The following BNIP2 variants were observed in gnomAD, a reference collection of about 807,000 sequenced individuals.
BNIP2 encodes the protein BCL2/adenovirus E1B 19 kDa protein-interacting protein 2.
In BNIP2, 36 loss-of-function variants were observed where a neutral mutation model predicts 43.4. The observed-to-expected ratio is 0.83, with a 90% confidence interval of 0.64 to 1.10. The LOEUF (loss-of-function observed/expected upper bound fraction) is 1.10, where lower values mean the gene tolerates loss of function less well. Among genes scored for constraint, BNIP2 ranks in the 50% least tolerant of loss-of-function variants. The pLI is 0.00. For missense variants in BNIP2, 417 were observed against 374.1 expected, an observed-to-expected ratio of 1.11 and a Z score of -0.95; for synonymous variants, 146 against 121.0, an observed-to-expected ratio of 1.21 and a Z score of -1.35.
intron 1 of BNIP2, among the ~76,000 whole-genome samples, chr15:59,685,858 G>A (rs138503497): frequency 2.2e-4 from 33 of 152,302 alleles, no homozygotes; most frequent in African/African-American, 7.9e-4. Flanking sequence ...AACAAGAAAG[G>A]AGTTAATATA....
chr15:59,669,929 C>T (rs6151557), intron 7 of BNIP2, among the ~76,000 whole-genome samples: 88,265 of 152,018 alleles, frequency 0.58, 26,256 homozygotes, highest in Middle Eastern at 0.67. Context: ...AAGTGAGATA[C>T]ATATATAATC....
intron 7 of BNIP2, among the ~76,000 whole-genome samples, chr15:59,670,251 C>T (rs1236322669): frequency 6.6e-6 from 1 of 152,064 alleles, no homozygotes; most frequent in South Asian, 2.1e-4. Flanking sequence ...GGCAACATGT[C>T]AAAACGCTGT....
intron 5 of BNIP2, chr15:59,677,276 C>T: frequency 6.3e-7 from 1 of 1,592,538 alleles, no homozygotes; most frequent in Non-Finnish European, 8.6e-7. Flanking sequence ...ACAGGAGCTG[C>T]CAGGGGATCC....
intron 5 of BNIP2, 98 bp from the exon 6 acceptor site, chr15:59,672,837 AC>A: frequency 1.2e-6 from 1 of 804,942 alleles, no homozygotes; most frequent in Non-Finnish European, 2.0e-6. Context: ...ATAAGAGTTT[AC>A]TTTTCACAGA....
At chr15:59,676,691 C>T (rs1007537712) in intron 5 of BNIP2, 17 of 660,844 alleles carry the variant, frequency 2.6e-5, no homozygotes, top group East Asian at 1.1e-4. Context: ...TTGCATGAAA[C>T]GGCTAGGGCA....
Position 59,682,504 on chromosome 15 carries a change from G to A in BNIP2, c.-47C>T, listed in dbSNP as rs767756592. 6.8e-6 allele frequency: 11 copies of A among 1,612,170 alleles called. No homozygotes were observed. In the South Asian group the frequency reaches 1.2e-4, roughly 18 times the overall value. Reference sequence around the variant, plus strand: ...AACTACAAACTCTTGATAATCCAGGGAGCCAATGTCCTATGAAGAGAGAAA... The same window carrying A: ...AACTACAAACTCTTGATAATCCAGGAAGCCAATGTCCTATGAAGAGAGAAA... On this transcript the variant is annotated 5_prime_UTR_variant, in exon 2 of 10. Coordinates refer to ENST00000607373, the MANE Select transcript of BNIP2 (RefSeq NM_004330.4).
chr15:59,673,227 T>C (rs1893047520), intron 5 of BNIP2, among the ~76,000 whole-genome samples: 1 of 151,322 alleles, frequency 6.6e-6, no homozygotes, highest in Non-Finnish European at 1.5e-5. Flanking sequence ...CACGCGATTC[T>C]CCTGCCTCCC....
At chr15:59,671,089 T>TA (rs1290752963) in intron 7 of BNIP2, 94 bp downstream of exon 7, 32,185 of 910,226 alleles carry the variant, frequency 0.035, no homozygotes, top group Non-Finnish European at 0.038. Flanking sequence ...AAAAAAAAGT[T>TA]AAAAAAAAAA....
At chr15:59,664,593 G>A (rs1892457445) in intron 9 of BNIP2, among the ~76,000 whole-genome samples, 1 of 152,044 alleles carries the variant, frequency 6.6e-6, no homozygotes, top group Non-Finnish European at 1.5e-5. Flanking sequence ...ATGTTAGCCA[G>A]GATGGTCTCG....
At chr15:59,689,079 C>G in intron 1 of BNIP2, 56 bp downstream of exon 1, 1 of 1,505,780 alleles carries the variant, frequency 6.6e-7, no homozygotes, top group Admixed American at 2.2e-5. Context: ...GCCCCTAGGC[C>G]GGTTCCCAGT....
intron 9 of BNIP2, chr15:59,668,042 G>C: frequency 9.1e-7 from 1 of 1,098,286 alleles, no homozygotes; most frequent in Non-Finnish European, 1.2e-6. Context: ...CAATAAGGAA[G>C]AGTTAGTCTG....
At chr15:59,666,070 T>C (rs532409432) in intron 9 of BNIP2, among the ~76,000 whole-genome samples, 1 of 103,894 alleles carries the variant, frequency 9.6e-6, no homozygotes, top group East Asian at 2.0e-4. Flanking sequence ...TAAACTCCCC[T>C]GAAACATTTT....
Position 59,672,839 on chromosome 15 carries a change from T to C in BNIP2, c.473-100A>G, listed in dbSNP as rs1000819003. The C allele has an allele frequency of 3.9e-6, 3 of 773,372 alleles. No homozygotes were observed. The African/African-American group carries it at 5.3e-5, about 14-fold the overall frequency. The allele number at this position is 773,372 out of a possible 1,614,324, so 47.9% of individuals were successfully genotyped here. A position where few individuals can be genotyped will look rare whatever the true frequency, so the allele number is the denominator to read the frequency against. On this transcript the variant is annotated intron_variant, in intron 5 of 9. Coordinates refer to ENST00000607373, the MANE Select transcript of BNIP2 (RefSeq NM_004330.4). ...TAGTAAATTATAAATAAGAGTTTACTTTTCACAGATTTCTGTATTAAATGT... is the reference window on the plus strand; with the variant it reads ...TAGTAAATTATAAATAAGAGTTTACCTTTCACAGATTTCTGTATTAAATGT...
Position 59,663,982 on chromosome 15 carries a change from A to T in BNIP2, c.*87T>A. ...CTATTTTGTAACAGGTTACATAAAA[A>T]TATGGGCCAATAAATGCATTATGAA... On this transcript the variant is annotated 3_prime_UTR_variant, in exon 10 of 10. Coordinates refer to ENST00000607373, the MANE Select transcript of BNIP2 (RefSeq NM_004330.4). The T allele has an allele frequency of 9.4e-7, 1 of 1,059,670 alleles. No homozygotes were observed. The highest frequency in any genetic ancestry group is 1.3e-6 in the Non-Finnish European group (1 of 744,062). 65.6% of individuals were successfully genotyped at this position (1,059,670 alleles called of 1,614,324 possible). A position where few individuals can be genotyped will look rare whatever the true frequency, so the allele number is the denominator to read the frequency against.
In BNIP2 at chr15:59,661,705, T is replaced by C. The variant is rs766144103; in HGVS notation, c.*2364A>G. 2 of 152,172 alleles carry C rather than the reference T, an allele frequency of 1.3e-5. No individual in the cohort carries two copies. The highest frequency in any genetic ancestry group is 2.4e-5 in the African/African-American group (1 of 41,426). The allele number at this position is 152,172 out of a possible 1,614,324, so 9.4% of individuals were successfully genotyped here. On this transcript the variant is annotated 3_prime_UTR_variant, in exon 10 of 10. Transcript: ENST00000607373. Reference sequence around the variant, plus strand: ...CATGATCCCAACAGAAAGATAAAAGTACAATCACATATACTTTCACCTTGG... The same window carrying C: ...CATGATCCCAACAGAAAGATAAAAGCACAATCACATATACTTTCACCTTGG...
rs1892182597 is a variant in BNIP2 at position 59,660,242 on chromosome 15, T to C, written c.*3827A>G. On this transcript the variant is annotated 3_prime_UTR_variant, in exon 10 of 10. Coordinates refer to ENST00000607373, the MANE Select transcript of BNIP2 (RefSeq NM_004330.4). ...TCTAACTTGTGAGTACATACATTAA[T>C]GCCTCTTTTTACTCTATCCCTCTCA... 1 of 152,228 alleles carries C rather than the reference T, an allele frequency of 6.6e-6. No individual in the cohort carries two copies. The highest frequency in any genetic ancestry group is 2.4e-5 in the African/African-American group (1 of 41,468). 9.4% of individuals were successfully genotyped at this position (152,228 alleles called of 1,614,324 possible). A position where few individuals can be genotyped will look rare whatever the true frequency, so the allele number is the denominator to read the frequency against.
chr15:59,670,103 C>T (rs892035021), intron 7 of BNIP2, among the ~76,000 whole-genome samples: 3 of 152,104 alleles, frequency 2.0e-5, no homozygotes, highest in South Asian at 4.1e-4. Context: ...AAAGCTTGTT[C>T]CAAAGAAAGA....
intron 9 of BNIP2, among the ~76,000 whole-genome samples, chr15:59,668,408 G>C (rs767996366): frequency 2.0e-5 from 3 of 152,156 alleles, no homozygotes; most frequent in African/African-American, 7.2e-5. Context: ...AGTCCAAGAA[G>C]TTACATGGAA....
rs769115923 is a variant in BNIP2, at chr15:59,668,992, T to A, written c.795-2A>T. ...CTAATTTTTTGGCTGAATTTCGAGC[T>A]ATGGAAGAAAATAAAAATAATTACT... On this transcript the variant is annotated splice_acceptor_variant, in intron 8 of 9. Coordinates refer to ENST00000607373, the MANE Select transcript of BNIP2 (RefSeq NM_004330.4). LOFTEE classifies it high-confidence loss of function. The A allele has an allele frequency of 6.2e-7, 1 of 1,610,440 alleles. No individual in the cohort carries two copies. Among genetic ancestry groups the A allele is most frequent in the South Asian group, 1.1e-5 (1 of 90,704 alleles).
Sources: gnomAD v4.1 joint callset for allele counts (sites outside exome capture counted in the v4.1 genomes callset) on GRCh38, gnomAD v4.1.1 for gene constraint, MANE v1.5 for transcripts, NCBI Gene and HGNC (gene_info 2026-07-23, HGNC 2026-07-21) for gene names.